The following PRKD3 variants were observed in gnomAD, a reference collection of about 807,000 sequenced individuals.
The protein encoded by PRKD3 is serine/threonine-protein kinase D3.
Under a neutral mutation model 99.2 loss-of-function variants are expected in PRKD3, and 47 were observed. That is an observed-to-expected ratio of 0.47 (90% CI 0.38 to 0.60). The LOEUF is 0.60. Ranked by LOEUF, PRKD3 falls within the 20% of genes least tolerant of loss-of-function variation. The pLI is 0.00. For missense variants in PRKD3, 1,019 were observed against 1,088.4 expected (o/e 0.94, Z 0.90); for synonymous variants, 392 against 355.4 (o/e 1.10, Z -1.16).
chr2:37,299,511 TACACACAC>T (rs70949749), intron 2 of PRKD3, among the ~76,000 whole-genome samples: 2,108 of 132,556 alleles, frequency 0.016, 41 homozygotes, highest in African/African-American at 0.044. Flanking sequence ...TCTACTAAAA[TACACACAC>T]ACACACACAC....
intron 2 of PRKD3, among the ~76,000 whole-genome samples, chr2:37,302,722 T>C (rs975001813): frequency 8.5e-5 from 13 of 152,078 alleles, no homozygotes; most frequent in African/African-American, 2.7e-4. Flanking sequence ...CTATGAACTT[T>C]TAATTTTTTT....
At chr2:37,265,617 G>A (rs1191447027) in intron 14 of PRKD3, among the ~76,000 whole-genome samples, 2 of 152,036 alleles carry the variant, frequency 1.3e-5, no homozygotes, top group Non-Finnish European at 2.9e-5. Flanking sequence ...GGGTGATGTT[G>A]AGAAAAAGTA....
intron 3 of PRKD3, among the ~76,000 whole-genome samples, chr2:37,292,511 A>T (rs1326995429): frequency 1.3e-5 from 2 of 151,424 alleles, no homozygotes; most frequent in Non-Finnish European, 2.9e-5. Flanking sequence ...GCCTGGCCAA[A>T]TTTTTTTTGT....
At chr2:37,257,037 A>T in intron 16 of PRKD3, 108 bp from the exon 17 acceptor site, 1 of 1,199,190 alleles carries the variant, frequency 8.3e-7, no homozygotes, top group South Asian at 1.4e-5. Context: ...TGCCAGCTCT[A>T]CTGATTATGA....
intron 6 of PRKD3, among the ~76,000 whole-genome samples, chr2:37,283,969 G>A (rs865864531): frequency 6.6e-6 from 1 of 151,254 alleles, no homozygotes; most frequent in African/African-American, 2.4e-5. Flanking sequence ...GGTTTGAATG[G>A]CAGGCAGGCA....
chr2:37,309,333 C>T lies in PRKD3; in HGVS notation c.288+6904G>A, dbSNP rs77150848. ...TACAATGTCACTTAACTGTTCCTAT[C>T]CCTTTAGAGTTGATTCTATAGGCTC... On this transcript the variant is annotated intron_variant, in intron 2 of 18. Coordinates refer to ENST00000234179, the MANE Select transcript of PRKD3 (RefSeq NM_005813.6). Among the ~76,000 whole-genome samples, 273 of 152,258 alleles carry T rather than the reference C, an allele frequency of 1.8e-3. 2 individuals carry two copies. The highest frequency in any genetic ancestry group is 6.3e-3 in the African/African-American group (263 of 41,538).
chr2:37,301,100 T>C (rs1670905310), intron 2 of PRKD3, among the ~76,000 whole-genome samples: 1 of 152,252 alleles, frequency 6.6e-6, no homozygotes, highest in Non-Finnish European at 1.5e-5. Context: ...TAGGAATTCA[T>C]ATTTTTGCTT....
chr2:37,299,554 ACACAC>A (rs1437352390), intron 2 of PRKD3, among the ~76,000 whole-genome samples: 2 of 146,902 alleles, frequency 1.4e-5, no homozygotes, highest in African/African-American at 2.6e-5. Flanking sequence ...ACACACACAC[ACACAC>A]AAGCTTCTGC....
Position 37,251,748 on chromosome 2 carries a change from G to A in PRKD3, c.*1429C>T, listed in dbSNP as rs1220662141. 6.6e-6 allele frequency: 1 copy of A among 152,082 alleles called. No individual in the cohort carries two copies. The highest frequency in any genetic ancestry group is 6.6e-5 in the Admixed American group (1 of 15,250). The allele number at this position is 152,082 out of a possible 1,614,324, so 9.4% of individuals were successfully genotyped here. On this transcript the variant is annotated 3_prime_UTR_variant, in exon 19 of 19. Coordinates refer to ENST00000234179, the MANE Select transcript of PRKD3 (RefSeq NM_005813.6). ...CTGTGACAAAGGGAGAGGCAAGAAT[G>A]ATAATCTTCATTTTACAGACTGAGG...
chr2:37,292,676 C>T (rs954738173), intron 3 of PRKD3, among the ~76,000 whole-genome samples: 21 of 151,796 alleles, frequency 1.4e-4, no homozygotes, highest in African/African-American at 4.1e-4. Context: ...AGACGAGTCT[C>T]GCTCTGTTGT....
chr2:37,317,088 G>A lies in PRKD3; in HGVS notation c.-564C>T, dbSNP rs983025880. The A allele has an allele frequency of 2.0e-6, 2 of 984,938 alleles. No individual in the cohort carries two copies. Among genetic ancestry groups the A allele is most frequent in the African/African-American group, 1.7e-5 (1 of 57,158 alleles). 61.0% of individuals were successfully genotyped at this position (984,938 alleles called of 1,614,324 possible). Reference sequence around the variant, plus strand: ...CTGGGGGGATGAACTTTTCTATGACGAAATACAAAGCTTTTTAAAATAGTA... The same window carrying A: ...CTGGGGGGATGAACTTTTCTATGACAAAATACAAAGCTTTTTAAAATAGTA... On this transcript the variant is annotated 5_prime_UTR_variant, in exon 2 of 19. Coordinates refer to ENST00000234179, the MANE Select transcript of PRKD3 (RefSeq NM_005813.6).
Position 37,256,869 on chromosome 2 carries a change from C to T in PRKD3, c.2206G>A (p.Val736Met). Residue 736 changes from valine to methionine, a missense_variant, in exon 17 of 19, where the codon GTG becomes ATG. Physicochemically the swap from Val to Met is conservative, Grantham distance 21. Transcript: ENST00000234179. ...GCTAAGTATGCTGGAGTTCCTACCA[C>T]AGATCTCCTGAATGACTTTTCACCA... Reference protein sequence around the residue: ...IIGEKSFRRSVVGTPAYLAPE... With the variant: ...IIGEKSFRRSMVGTPAYLAPE... 2 of 1,613,970 alleles carry T rather than the reference C, an allele frequency of 1.2e-6. No individual in the cohort carries two copies. Among genetic ancestry groups the T allele is most frequent in the Non-Finnish European group, 1.7e-6 (2 of 1,179,956 alleles).
At chr2:37,311,035 CTT>C (rs1043761188) in intron 2 of PRKD3, among the ~76,000 whole-genome samples, 1 of 152,066 alleles carries the variant, frequency 6.6e-6, no homozygotes, top group Non-Finnish European at 1.5e-5. Context: ...AATCACAAAA[CTT>C]TTTATCTGAC....
chr2:37,269,961 C>T (rs1426142078), intron 12 of PRKD3, among the ~76,000 whole-genome samples: 1 of 152,188 alleles, frequency 6.6e-6, no homozygotes, highest in African/African-American at 2.4e-5. Context: ...GGCGTGGTGG[C>T]TCACGCCTGT....
At chr2:37,308,046 A>G (rs1488137355) in intron 2 of PRKD3, among the ~76,000 whole-genome samples, 1 of 152,182 alleles carries the variant, frequency 6.6e-6, no homozygotes, top group Non-Finnish European at 1.5e-5. Flanking sequence ...CACGATACCT[A>G]AACTATATTT....
rs755586098 is a variant in PRKD3 at position 37,282,666 on chromosome 2, G to GT, written c.911-48dup. On this transcript the variant is annotated intron_variant, in intron 6 of 18. Transcript: ENST00000234179. ...TATTAATTTATGTAAAAGTCAAGCA[G>GT]TATCAGATATGGTTAGACTTTCTTT... The GT allele has an allele frequency of 8.6e-6, 11 of 1,272,330 alleles. No homozygotes were observed. The African/African-American group carries it at 1.6e-4, about 19-fold the overall frequency. 78.8% of individuals were successfully genotyped at this position (1,272,330 alleles called of 1,614,324 possible).
Position 37,264,390 on chromosome 2 carries a change from A to G in PRKD3, c.1884+3040T>C, listed in dbSNP as rs577601521. ...CATTATTAAACAAAACTTGACAAAG[A>G]TGCCTTGTCTCGCAGAGCTTATAAA... On this transcript the variant is annotated intron_variant, in intron 14 of 18. Transcript: ENST00000234179. 9.2e-5 allele frequency among the ~76,000 whole-genome samples: 14 copies of G among 152,318 alleles called. No individual in the cohort carries two copies. The East Asian group carries it at 2.7e-3, about 29-fold the overall frequency.
chr2:37,316,479 G>C lies in PRKD3; in HGVS notation c.46C>G (p.Pro16Ala). ...GGAAGCACAGCAGGAATAGCTGTGG[G>C]TAATACAGACTTCTGGGCTGATGGA... ...SPPSAQKSVL[P>A]TAIPAVLPAA... The change falls in exon 2 of 19, where the codon CCC becomes GCC. Residue 16 changes from proline (P) to alanine (A), a missense_variant. Around this residue, in one of 3 missense-constraint regions of PRKD3, gnomAD observed 710 missense variants for 692.7 expected, o/e 1.02. Coordinates refer to ENST00000234179, the MANE Select transcript of PRKD3 (RefSeq NM_005813.6). 6.2e-7 allele frequency: 1 copy of C among 1,614,186 alleles called. No individual in the cohort carries two copies. The highest frequency in any genetic ancestry group is 1.1e-5 in the South Asian group (1 of 91,086).
chr2:37,253,901 C>T (rs1397381029), intron 18 of PRKD3, among the ~76,000 whole-genome samples: 1 of 152,060 alleles, frequency 6.6e-6, no homozygotes, highest in Non-Finnish European at 1.5e-5. Flanking sequence ...AAAATAAATC[C>T]TTCAGTAGAC....
Sources: allele counts gnomAD v4.1 joint callset (sites outside exome capture counted in the v4.1 genomes callset), GRCh38; gene constraint gnomAD v4.1.1; regional missense constraint gnomAD v4.1.1; transcripts MANE v1.5; gene names NCBI Gene and HGNC (gene_info 2026-07-23, HGNC 2026-07-21).